Variants in SIPA1L3 observed in about 807,000 individuals in gnomAD.
SIPA1L3 encodes signal-induced proliferation-associated 1-like protein 3.
SIPA1L3 carries 59 observed loss-of-function variants against 150.1 expected under a neutral mutation model. That is an observed-to-expected ratio of 0.39 (90% confidence interval 0.32 to 0.49). The LOEUF is 0.49. Among genes scored for constraint, SIPA1L3 ranks in the 20% least tolerant of loss-of-function variants. The probability of loss-of-function intolerance (pLI) is 0.86; values close to 1 mark genes in which losing one functional copy is unlikely to be tolerated. For synonymous variants in SIPA1L3, 1,070 were observed against 1,077.6 expected, an observed-to-expected ratio of 0.99 and a Z score of 0.14; for missense variants, 2,211 against 2,489.5, an observed-to-expected ratio of 0.89 and a Z score of 2.38.
intron 16 of SIPA1L3, among the ~76,000 whole-genome samples, chr19:38,190,977 G>A (rs189717224): frequency 3.9e-5 from 6 of 152,310 alleles, no homozygotes; most frequent in Non-Finnish European, 7.3e-5. Context: ...CAGCCTGGCG[G>A]CCTTGATTTG....
chr19:38,081,524 C>A lies in SIPA1L3; in HGVS notation c.-42C>A. On this transcript the variant is annotated 5_prime_UTR_variant, in exon 3 of 22. Transcript: ENST00000222345. The stretch of plus-strand genomic sequence containing the variant: ...GGCTGGGGGACCCCATAGAGTGACA[C>A]CACAGCGTACGGGGCCAGCAGCACT... 6.6e-7 allele frequency: 1 copy of A among 1,523,138 alleles called. No homozygotes were observed. The highest frequency in any genetic ancestry group is 8.9e-7 in the Non-Finnish European group (1 of 1,129,230). The allele number at this position is 1,523,138 out of a possible 1,614,324, so 94.4% of individuals were successfully genotyped here.
At chr19:37,966,839 AGCAGCTCCCGCGAGG>A (rs1222764105) in intron 1 of SIPA1L3, among the ~76,000 whole-genome samples, 1 of 152,130 alleles carries the variant, frequency 6.6e-6, no homozygotes, top group Non-Finnish European at 1.5e-5. Flanking sequence ...GTGGGGGTGG[AGCAGCTCCCGCGAGG>A]GCAGAACAAC....
chr19:38,023,668 G>C lies in SIPA1L3; in HGVS notation c.-378-5421G>C, dbSNP rs151223817. On this transcript the variant is annotated intron_variant, in intron 1 of 21. Transcript: ENST00000222345. ...GCCACAGTGATGCTCTGGCGGTCTA[G>C]AAAGGAGAGCGAAGCTTACAGCAAA... Among the ~76,000 whole-genome samples, 62 of 152,344 alleles carry C rather than the reference G, an allele frequency of 4.1e-4. 2 individuals are homozygous for C. In the East Asian group the frequency reaches 0.012, roughly 28 times the overall value.
chr19:37,919,736 G>A (rs533419128), intron 1 of SIPA1L3, among the ~76,000 whole-genome samples: 153 of 111,572 alleles, frequency 1.4e-3, no homozygotes, highest in African/African-American at 5.3e-3. Context: ...TTGAGACAGA[G>A]TTTCACTCTT....
chr19:38,030,549 A>C (rs751434455), intron 2 of SIPA1L3, among the ~76,000 whole-genome samples: 17 of 149,882 alleles, frequency 1.1e-4, no homozygotes, highest in South Asian at 2.1e-4. Flanking sequence ...TAAATAAATA[A>C]ATACATACAT....
chr19:38,143,812 T>A (rs991129770), intron 12 of SIPA1L3, among the ~76,000 whole-genome samples: 4 of 152,072 alleles, frequency 2.6e-5, no homozygotes, highest in Non-Finnish European at 4.4e-5. Flanking sequence ...GTGCTGGGAT[T>A]ACAAGTGTGA....
chr19:37,936,268 T>C (rs2046599427), intron 1 of SIPA1L3, among the ~76,000 whole-genome samples: 1 of 152,148 alleles, frequency 6.6e-6, no homozygotes, highest in South Asian at 2.1e-4. Flanking sequence ...AAAGGGTCAA[T>C]AAGGAAGAAG....
At chr19:37,927,265 C>G (rs971156972) in intron 1 of SIPA1L3, among the ~76,000 whole-genome samples, 1 of 151,796 alleles carries the variant, frequency 6.6e-6, no homozygotes, top group African/African-American at 2.4e-5. Context: ...CTACCTCAGC[C>G]TCCCGAGTAG....
chr19:38,149,723 C>T (rs1022905993), intron 12 of SIPA1L3, among the ~76,000 whole-genome samples: 2 of 152,128 alleles, frequency 1.3e-5, no homozygotes, highest in Non-Finnish European at 2.9e-5. Context: ...GAGGAAGCTT[C>T]GAGGCTGGAA....
chr19:38,056,427 A>T (rs1969317022), intron 2 of SIPA1L3, among the ~76,000 whole-genome samples: 1 of 151,828 alleles, frequency 6.6e-6, no homozygotes, highest in African/African-American at 2.4e-5. Flanking sequence ...ACCCCTTTCC[A>T]TGGCCAACTT....
intron 1 of SIPA1L3, among the ~76,000 whole-genome samples, chr19:37,960,935 C>T (rs1164587523): frequency 6.6e-6 from 1 of 151,946 alleles, no homozygotes; most frequent in Non-Finnish European, 1.5e-5. Flanking sequence ...GTGGTGTGAC[C>T]TTGGCTCACT....
intron 2 of SIPA1L3, among the ~76,000 whole-genome samples, chr19:38,076,222 T>C (rs745716506): frequency 2.0e-4 from 30 of 152,228 alleles, no homozygotes; most frequent in Admixed American, 1.3e-3. Flanking sequence ...ACATAAAATA[T>C]ATGTACATTA....
chr19:38,099,718 C>T (rs1970458520), intron 4 of SIPA1L3, among the ~76,000 whole-genome samples: 1 of 152,104 alleles, frequency 6.6e-6, no homozygotes, highest in Admixed American at 6.6e-5. Context: ...GGTTACGATA[C>T]CATCCTGTAC....
Position 38,130,569 on chromosome 19 carries a change from C to A in SIPA1L3, c.2940C>A (p.His980Gln). Residue 980 changes from histidine (H) to glutamine (Q), a missense_variant, in exon 10 of 22, where the codon CAC becomes CAA. Around this residue, in one of 5 missense-constraint regions of SIPA1L3, gnomAD observed 625 missense variants for 804.2 expected, o/e 0.78. Transcript: ENST00000222345. ...ACGGGCTCGGGCAGCTGGGCTTCCA[C>A]GTGAAGTACGACGGCACGGTGGCCG... ...RRNGLGQLGF[H>Q]VKYDGTVAEV... 6.2e-7 allele frequency: 1 copy of A among 1,613,824 alleles called. No individual in the cohort carries two copies.
intron 9 of SIPA1L3, among the ~76,000 whole-genome samples, chr19:38,124,696 C>T: frequency 6.6e-6 from 1 of 152,242 alleles, no homozygotes; most frequent in Admixed American, 6.5e-5. Flanking sequence ...CGCCACTGCA[C>T]TCCAGCCTGG....
At chr19:38,158,867 A>C (rs932146262) in intron 13 of SIPA1L3, among the ~76,000 whole-genome samples, 36 of 152,230 alleles carry the variant, frequency 2.4e-4, no homozygotes, top group African/African-American at 8.2e-4. Context: ...GGTGCCTGAT[A>C]GATACCCAAG....
chr19:37,974,241 C>T (rs1447503097), intron 1 of SIPA1L3, among the ~76,000 whole-genome samples: 3 of 152,142 alleles, frequency 2.0e-5, no homozygotes, highest in Non-Finnish European at 4.4e-5. Context: ...TTATTTGTGG[C>T]TGGGCATGAT....
intron 1 of SIPA1L3, among the ~76,000 whole-genome samples, chr19:37,927,660 T>G (rs1479251564): frequency 6.7e-5 from 5 of 74,772 alleles, no homozygotes; most frequent in South Asian, 4.6e-4. Context: ...ATGGGGTGTG[T>G]GTGTGTGTGT....
At position 37,966,023 on chromosome 19, in the gene SIPA1L3, C is replaced by T. The variant is rs369743321; in HGVS notation, c.-379+58665C>T. On this transcript the variant is annotated intron_variant, in intron 1 of 21. Coordinates refer to ENST00000222345, the MANE Select transcript of SIPA1L3 (RefSeq NM_015073.3). ...TATTTTGCACGGCCAAAGTGTGTGC[C>T]GGGCTCAGTTCTCCACCCACTCTGC... 3.9e-5 allele frequency among the ~76,000 whole-genome samples: 6 copies of T among 152,260 alleles called. No homozygotes were observed. In the South Asian group the frequency reaches 1.2e-3, roughly 32 times the overall value.
Sources: allele counts gnomAD v4.1 joint callset (sites outside exome capture counted in the v4.1 genomes callset), GRCh38; gene constraint gnomAD v4.1.1; regional missense constraint gnomAD v4.1.1; transcripts MANE v1.5; gene names NCBI Gene and HGNC (gene_info 2026-07-23, HGNC 2026-07-21).